PAK5: variants seen among roughly 807,000 people sequenced by gnomAD.
PAK5 encodes the protein p21 (RAC1) activated kinase 5.
PAK5 carries 16 observed loss-of-function variants against 65.9 expected under a neutral mutation model. The ratio of observed to expected loss-of-function variants is 0.24; its 90% CI spans 0.16 to 0.37. The LOEUF is 0.37. Among genes scored for constraint, PAK5 ranks in the 10% least tolerant of loss-of-function variants. PAK5 has a pLI of 1.00. For synonymous variants in PAK5, 371 were observed against 354.9 expected (o/e 1.05, Z -0.51); for missense variants, 785 against 903.9 (o/e 0.87, Z 1.69).
intron 1 of PAK5, among the ~76,000 whole-genome samples, chr20:9,784,837 T>A (rs6087022): frequency 0.41 from 61,562 of 151,706 alleles, 12,565 homozygotes; most frequent in Admixed American, 0.46. Flanking sequence ...GTAGCCACAC[T>A]GTTGCTTTGA....
At chr20:9,624,261 C>T (rs932967811) in intron 3 of PAK5, among the ~76,000 whole-genome samples, 3 of 152,200 alleles carry the variant, frequency 2.0e-5, no homozygotes, top group South Asian at 4.1e-4. Context: ...TTGTCCAGTC[C>T]TATAGAAATT....
At chr20:9,571,464 T>C (rs2122966679) in intron 4 of PAK5, among the ~76,000 whole-genome samples, 1 of 152,292 alleles carries the variant, frequency 6.6e-6, no homozygotes, top group East Asian at 1.9e-4. Context: ...AGCTCCATAC[T>C]TCCAAGGGGA....
intron 1 of PAK5, among the ~76,000 whole-genome samples, chr20:9,806,641 C>G (rs190260689): frequency 6.6e-6 from 1 of 152,180 alleles, no homozygotes; most frequent in East Asian, 1.9e-4. Flanking sequence ...AAGTCCTCTC[C>G]AATTCTAAGT....
At chr20:9,712,348 T>TATAG (rs1378929493) in intron 1 of PAK5, among the ~76,000 whole-genome samples, 2 of 152,122 alleles carry the variant, frequency 1.3e-5, no homozygotes, top group Non-Finnish European at 2.9e-5. Context: ...TAATAAATAT[T>TATAG]ATAGATAGGG....
At position 9,550,730 on chromosome 20, in the gene PAK5, T is replaced by C. The variant is rs1169532051; in HGVS notation, c.1744-6236A>G. On this transcript the variant is annotated intron_variant, in intron 7 of 9. Coordinates refer to ENST00000353224, the MANE Select transcript of PAK5 (RefSeq NM_177990.4). The stretch of plus-strand genomic sequence containing the variant: ...TTAGGAAGCATAGAAACCATAATTG[T>C]GGTGTGTGTGTGTGTGTGTGTGTGT... Among the ~76,000 whole-genome samples, 3 of 61,594 alleles carry C rather than the reference T, an allele frequency of 4.9e-5. No individual in the cohort carries two copies. In the South Asian group the frequency reaches 2.1e-3, roughly 42 times the overall value. 40.4% of individuals were successfully genotyped at this position (61,594 alleles called of 152,430 possible).
At chr20:9,623,777 C>T (rs934563761) in intron 3 of PAK5, among the ~76,000 whole-genome samples, 1 of 152,100 alleles carries the variant, frequency 6.6e-6, no homozygotes, top group Non-Finnish European at 1.5e-5. Flanking sequence ...TGCAATTCAC[C>T]AAATGAATGG....
At chr20:9,565,611 G>A (rs923587611) in intron 5 of PAK5, among the ~76,000 whole-genome samples, 4 of 152,126 alleles carry the variant, frequency 2.6e-5, no homozygotes, top group Non-Finnish European at 4.4e-5. Flanking sequence ...AGGTTTCCTT[G>A]TAAAAATGGT....
At chr20:9,658,887 C>G (rs956767169) in intron 2 of PAK5, among the ~76,000 whole-genome samples, 7 of 152,152 alleles carry the variant, frequency 4.6e-5, no homozygotes, top group African/African-American at 1.7e-4. Flanking sequence ...AACCCTAATT[C>G]TGGTAGTTGG....
At chr20:9,727,007 C>A (rs1039298379) in intron 1 of PAK5, among the ~76,000 whole-genome samples, 1 of 152,110 alleles carries the variant, frequency 6.6e-6, no homozygotes, top group African/African-American at 2.4e-5. Flanking sequence ...AAATCTAGTG[C>A]AGTTCCTGAA....
intron 7 of PAK5, 58 bp from the exon 8 acceptor site, chr20:9,544,552 G>C: frequency 2.6e-6 from 4 of 1,509,772 alleles, no homozygotes; most frequent in Non-Finnish European, 2.8e-6. Context: ...TGCTAGACAC[G>C]AAAATACAAA....
At chr20:9,576,966 A>G (rs559681367) in intron 4 of PAK5, among the ~76,000 whole-genome samples, 1 of 152,322 alleles carries the variant, frequency 6.6e-6, no homozygotes, top group South Asian at 2.1e-4. Flanking sequence ...CAAAGACACA[A>G]GTAGGTGGCT....
chr20:9,724,764 T>C (rs2043492594), intron 1 of PAK5, among the ~76,000 whole-genome samples: 1 of 152,128 alleles, frequency 6.6e-6, no homozygotes, highest in African/African-American at 2.4e-5. Context: ...AGCATCTCCA[T>C]GTACTGACTC....
intron 3 of PAK5, among the ~76,000 whole-genome samples, chr20:9,617,646 C>T (rs2046684337): frequency 6.7e-6 from 1 of 148,764 alleles, no homozygotes. Flanking sequence ...AGCTCCACCT[C>T]TTAGGTTCGC....
intron 3 of PAK5, among the ~76,000 whole-genome samples, chr20:9,626,687 A>G (rs2046848423): frequency 6.6e-6 from 1 of 152,210 alleles, no homozygotes; most frequent in South Asian, 2.1e-4. Flanking sequence ...AAATATAAGT[A>G]TTTTGCAAAT....
At chr20:9,691,423 A>C (rs923698234) in intron 2 of PAK5, among the ~76,000 whole-genome samples, 6 of 152,334 alleles carry the variant, frequency 3.9e-5, no homozygotes, top group African/African-American at 1.4e-4. Context: ...CACGAAAATC[A>C]TAAGACTCTA....
chr20:9,677,127 AG>A (rs1186457608), intron 2 of PAK5, among the ~76,000 whole-genome samples: 1 of 151,756 alleles, frequency 6.6e-6, no homozygotes. Context: ...ACAGAAGGAA[AG>A]GAATGTCTTT....
At chr20:9,770,603 G>A (rs1023655487) in intron 1 of PAK5, among the ~76,000 whole-genome samples, 21 of 152,246 alleles carry the variant, frequency 1.4e-4, no homozygotes, top group African/African-American at 5.1e-4. Context: ...TTAGACTTTT[G>A]CCAAGTGATT....
intron 1 of PAK5, among the ~76,000 whole-genome samples, chr20:9,748,640 A>G (rs2048537041): frequency 6.6e-6 from 1 of 152,174 alleles, no homozygotes; most frequent in Non-Finnish European, 1.5e-5. Context: ...TAAAGTGCAC[A>G]AATCTTAAGT....
chr20:9,623,106 G>C (rs1385874593), intron 3 of PAK5, among the ~76,000 whole-genome samples: 2 of 152,200 alleles, frequency 1.3e-5, no homozygotes, highest in Non-Finnish European at 2.9e-5. Flanking sequence ...AAGTCTCTGT[G>C]TCACAAGGAG....
Sources: allele counts gnomAD v4.1 joint callset (sites outside exome capture counted in the v4.1 genomes callset), GRCh38; gene constraint gnomAD v4.1.1; transcripts MANE v1.5; gene names NCBI Gene and HGNC (gene_info 2026-07-23, HGNC 2026-07-21).